The following ARIH2 variants were observed in gnomAD, a reference collection of about 807,000 sequenced individuals.
ARIH2 encodes the protein E3 ubiquitin-protein ligase ARIH2.
A neutral mutation model predicts 79.8 loss-of-function variants in ARIH2; 12 were observed. That is an observed-to-expected ratio of 0.15 (90% CI 0.10 to 0.24). The LOEUF (loss-of-function observed/expected upper bound fraction) is 0.24, where lower values mean the gene tolerates loss of function less well. Among genes scored for constraint, ARIH2 ranks in the 10% least tolerant of loss-of-function variants. ARIH2 has a pLI of 1.00. For missense variants in ARIH2, 301 were observed against 618.3 expected (o/e 0.49, Z 5.44); for synonymous variants, 224 against 213.9 (o/e 1.05, Z -0.41).
chr3:48,963,704 G>A (rs896859064), intron 4 of ARIH2, among the ~76,000 whole-genome samples: 2 of 152,128 alleles, frequency 1.3e-5, no homozygotes, highest in African/African-American at 4.8e-5. Flanking sequence ...CACTTTACAC[G>A]CTCAGCAGTG....
At chr3:48,926,571 A>C (rs1327178732) in intron 2 of ARIH2, 1 of 148,238 alleles carries the variant, frequency 6.7e-6, no homozygotes, top group Non-Finnish European at 1.5e-5. Context: ...CACCCGGCCA[A>C]TGGAGTTTCA....
intron 3 of ARIH2, among the ~76,000 whole-genome samples, chr3:48,950,155 T>A (rs1355102124): frequency 6.6e-6 from 1 of 152,208 alleles, no homozygotes; most frequent in Non-Finnish European, 1.5e-5. Flanking sequence ...TATAAACAAT[T>A]ATTCAGTTGT....
chr3:48,936,545 T>G (rs574168422), intron 3 of ARIH2, among the ~76,000 whole-genome samples: 1 of 151,914 alleles, frequency 6.6e-6, no homozygotes, highest in African/African-American at 2.4e-5. Context: ...ACCAGCTAGC[T>G]AACATGGTGA....
rs2092889782 is a variant in ARIH2, at chr3:48,985,830, G to A, written c.*2560G>A. The A allele has an allele frequency of 6.6e-6, 1 of 152,210 alleles. No individual in the cohort carries two copies. The highest frequency in any genetic ancestry group is 2.1e-4 in the South Asian group (1 of 4,832). The allele number at this position is 152,210 out of a possible 1,614,324, so 9.4% of individuals were successfully genotyped here. ...CACCACAGATAGATCCCAGGGTTGT[G>A]GTAGAGTACTGATATAAATGTCCCA... On this transcript the variant is annotated 3_prime_UTR_variant, in exon 16 of 16. Transcript: ENST00000356401.
At chr3:48,932,608 C>G (rs897401335) in intron 3 of ARIH2, among the ~76,000 whole-genome samples, 5 of 152,118 alleles carry the variant, frequency 3.3e-5, no homozygotes, top group Non-Finnish European at 7.3e-5. Context: ...ACAAGCTGCT[C>G]AGGAAGAGGC....
chr3:48,984,871 G>A lies in ARIH2; in HGVS notation c.*1601G>A, dbSNP rs2092863951. ...TGACTCATGGGATCATGAGGTCCAT[G>A]GCTGGTTGCAGGTTCCCTTTTTCCT... is the stretch of plus-strand genomic sequence containing the variant. On this transcript the variant is annotated 3_prime_UTR_variant, in exon 16 of 16. Transcript: ENST00000356401. 1 of 152,230 alleles carries A rather than the reference G, an allele frequency of 6.6e-6. No homozygotes were observed. Among genetic ancestry groups the A allele is most frequent in the Non-Finnish European group, 1.5e-5 (1 of 68,058 alleles). 9.4% of individuals were successfully genotyped at this position (152,230 alleles called of 1,614,324 possible).
At chr3:48,947,441 C>CAAAAAAAAAAAAAAAAAAGAAAAA (rs71077757) in intron 3 of ARIH2, among the ~76,000 whole-genome samples, 2 of 118,992 alleles carry the variant, frequency 1.7e-5, no homozygotes, top group Non-Finnish European at 1.7e-5. Flanking sequence ...AACTCTGTCT[C>CAAAAAAAAAAAAAAAAAAGAAAAA]AAAAAAAAAA....
chr3:48,963,235 G>A (rs2107547031), intron 4 of ARIH2, among the ~76,000 whole-genome samples: 1 of 152,292 alleles, frequency 6.6e-6, no homozygotes, highest in African/African-American at 2.4e-5. Flanking sequence ...CAGATGAACT[G>A]CTGCTGCCTT....
chr3:48,955,331 T>C (rs1450055287), intron 3 of ARIH2, among the ~76,000 whole-genome samples: 2 of 151,810 alleles, frequency 1.3e-5, no homozygotes, highest in African/African-American at 4.8e-5. Flanking sequence ...AAGTCATTAG[T>C]CTTTTTTTTT....
intron 3 of ARIH2, 140 bp downstream of exon 3, chr3:48,927,953 G>A (rs2085860149): frequency 9.5e-7 from 1 of 1,047,644 alleles, no homozygotes; most frequent in Non-Finnish European, 1.4e-6. Flanking sequence ...ACATCATTTG[G>A]ACATTTTGTT....
At chr3:48,923,457 G>GTT (rs1250310675) in intron 2 of ARIH2, among the ~76,000 whole-genome samples, 1 of 145,218 alleles carries the variant, frequency 6.9e-6, no homozygotes, top group East Asian at 2.0e-4. Context: ...AATTAATAGG[G>GTT]TTTTTTTTTT....
In ARIH2 at chr3:48,979,986, C is replaced by T. The variant is rs532603357; in HGVS notation, c.1113+353C>T. ...TTTCTTTCTGTCCTCACAATCTGTT[C>T]CCATAGTATCATCTTAGTAGTCAGA... On this transcript the variant is annotated intron_variant, in intron 12 of 15. Transcript: ENST00000356401. 3.3e-4 allele frequency: 77 copies of T among 236,238 alleles called. 1 individual carries two copies. The Middle Eastern group carries it at 5.5e-3, about 17-fold the overall frequency. The allele number at this position is 236,238 out of a possible 1,614,324, so 14.6% of individuals were successfully genotyped here. A position where few individuals can be genotyped will look rare whatever the true frequency, so the allele number is the denominator to read the frequency against.
chr3:48,946,204 C>T (rs1175656659), intron 3 of ARIH2, among the ~76,000 whole-genome samples: 1 of 151,998 alleles, frequency 6.6e-6, no homozygotes, highest in Admixed American at 6.6e-5. Flanking sequence ...TCCCCCTGGT[C>T]TTCATCCTCC....
intron 3 of ARIH2, among the ~76,000 whole-genome samples, chr3:48,942,645 ATTTT>A (rs745532484): frequency 3.8e-5 from 4 of 104,720 alleles, no homozygotes; most frequent in Non-Finnish European, 4.0e-5. Flanking sequence ...TGCCCGGCTA[ATTTT>A]TTTTTTTTTT....
At chr3:48,976,803 C>G (rs759336935) in intron 11 of ARIH2, among the ~76,000 whole-genome samples, 4 of 152,160 alleles carry the variant, frequency 2.6e-5, no homozygotes, top group Non-Finnish European at 5.9e-5. Flanking sequence ...GAGTTCACTG[C>G]CATCTCACGA....
intron 11 of ARIH2, among the ~76,000 whole-genome samples, chr3:48,976,094 T>TAGAG (rs1189390182): frequency 6.7e-6 from 1 of 149,118 alleles, no homozygotes; most frequent in East Asian, 2.0e-4. Context: ...ATATTTTTAG[T>TAGAG]AGAGACGGGG....
intron 3 of ARIH2, among the ~76,000 whole-genome samples, chr3:48,959,901 G>A (rs1263346156): frequency 1.3e-5 from 2 of 152,184 alleles, no homozygotes; most frequent in Non-Finnish European, 2.9e-5. Flanking sequence ...TCTCCTTTCA[G>A]GAGTGACTTG....
intron 5 of ARIH2, among the ~76,000 whole-genome samples, 181 bp from the exon 6 acceptor site, chr3:48,966,944 G>A (rs1310710011): frequency 6.6e-6 from 1 of 152,174 alleles, no homozygotes; most frequent in Non-Finnish European, 1.5e-5. Context: ...CCTTCAGGAA[G>A]CCTTCCTGGT....
At chr3:48,956,439 CTTTTTT>C (rs34693818) in intron 3 of ARIH2, among the ~76,000 whole-genome samples, 7 of 36,258 alleles carry the variant, frequency 1.9e-4, no homozygotes, top group Non-Finnish European at 3.1e-4. Context: ...GCGCCCGGCA[CTTTTTT>C]TTTTTTTTTT....
Sources: gnomAD v4.1 joint callset for allele counts (sites outside exome capture counted in the v4.1 genomes callset) on GRCh38, gnomAD v4.1.1 for gene constraint, MANE v1.5 for transcripts, NCBI Gene and HGNC (gene_info 2026-07-23, HGNC 2026-07-21) for gene names.